Variants in LRRIQ1 observed in about 807,000 individuals in gnomAD.
LRRIQ1 encodes the protein leucine rich repeats and IQ motif containing 1, also known as leucine-rich repeat- and IQ domain-containing protein 1.
In LRRIQ1, 210 loss-of-function variants were observed where a neutral mutation model predicts 211.9. That is an observed-to-expected ratio of 0.99 (90% confidence interval 0.89 to 1.11). The LOEUF (loss-of-function observed/expected upper bound fraction) is 1.11, where lower values mean the gene tolerates loss of function less well. Ranked by LOEUF, LRRIQ1 falls within the 50% of genes most tolerant of loss-of-function variation. LRRIQ1 has a pLI of 0.00. For missense variants in LRRIQ1, 2,136 were observed against 1,939.5 expected (o/e 1.10, Z -1.90); for synonymous variants, 699 against 650.1 (o/e 1.08, Z -1.14).
At position 85,153,643 on chromosome 12, in the gene LRRIQ1, T is replaced by G. The variant is rs1002135511; in HGVS notation, c.4542-20T>G. On this transcript the variant is annotated intron_variant, in intron 21 of 26. Transcript: ENST00000393217. The stretch of plus-strand genomic sequence containing the variant: ...ATACTTGTGTTGATTCAGTTAAAAG[T>G]GGTTTTTTTCTATTGCCAGATCAGA... 19 of 1,491,152 alleles carry G rather than the reference T, an allele frequency of 1.3e-5. No individual in the cohort carries two copies. Among genetic ancestry groups the G allele is most frequent in the Non-Finnish European group, 1.7e-5 (18 of 1,089,110 alleles). 92.4% of individuals were successfully genotyped at this position (1,491,152 alleles called of 1,614,324 possible).
At chr12:85,064,405 T>C (rs551203391) in intron 8 of LRRIQ1, among the ~76,000 whole-genome samples, 1 of 151,896 alleles carries the variant, frequency 6.6e-6, no homozygotes, top group African/African-American at 2.4e-5. Flanking sequence ...GAGCTTCTTA[T>C]ATATTCCGGT....
intron 19 of LRRIQ1, among the ~76,000 whole-genome samples, chr12:85,144,105 C>A (rs941473351): frequency 6.6e-6 from 1 of 151,532 alleles, no homozygotes; most frequent in Non-Finnish European, 1.5e-5. Context: ...CTGTTGTTCC[C>A]TTCTTCGTGT....
chr12:85,272,722 G>C, the LRRIQ1 span, among the ~76,000 whole-genome samples: 1 of 152,024 alleles, frequency 6.6e-6, no homozygotes, highest in Admixed American at 6.6e-5. Context: ...CAAGTGTGAA[G>C]GTAAGAAAGT....
At chr12:85,123,840 C>G (rs752210880) in intron 16 of LRRIQ1, among the ~76,000 whole-genome samples, 12 of 151,998 alleles carry the variant, frequency 7.9e-5, no homozygotes, top group Non-Finnish European at 1.6e-4. Context: ...CTAAAACTTC[C>G]AGACATTTTG....
chr12:85,265,357 A>G (rs1896397837), downstream of LRRIQ1, among the ~76,000 whole-genome samples: 1 of 151,992 alleles, frequency 6.6e-6, no homozygotes, highest in South Asian at 2.1e-4. Flanking sequence ...GTTATAATTA[A>G]TATATTTTAA....
intron 13 of LRRIQ1, among the ~76,000 whole-genome samples, chr12:85,100,788 A>C (rs1462066590): frequency 1.3e-5 from 2 of 151,814 alleles, no homozygotes; most frequent in Admixed American, 1.3e-4. Flanking sequence ...GACATATGGA[A>C]TACTAAAATG....
chr12:85,231,004 TGCCACTGCACTCCAGCCTG>T (rs1894912228), intron 25 of LRRIQ1, among the ~76,000 whole-genome samples: 1 of 151,316 alleles, frequency 6.6e-6, no homozygotes, highest in African/African-American at 2.4e-5. Context: ...GCCGAGATCG[TGCCACTGCACTCCAGCCTG>T]GGCGACAGAG....
At chr12:85,110,602 A>ATATAAGCT (rs1359280665) in intron 15 of LRRIQ1, among the ~76,000 whole-genome samples, 1 of 152,164 alleles carries the variant, frequency 6.6e-6, no homozygotes, top group Non-Finnish European at 1.5e-5. Context: ...TGTAGGCAAC[A>ATATAAGCT]TATAAGCTTT....
At chr12:85,218,330 T>C (rs143897246) in intron 24 of LRRIQ1, among the ~76,000 whole-genome samples, 145 of 152,104 alleles carry the variant, frequency 9.5e-4, no homozygotes, top group African/African-American at 3.2e-3. Flanking sequence ...TTGACCTGAA[T>C]TTAGAGTAAG....
chr12:85,268,935 G>A (rs1896479105), downstream of LRRIQ1, among the ~76,000 whole-genome samples: 1 of 151,964 alleles, frequency 6.6e-6, no homozygotes, highest in South Asian at 2.1e-4. Context: ...TTAAAAAAAT[G>A]TTTTGGAGGT....
At chr12:85,251,657 A>G (rs1895946531) in intron 1 of LRRIQ1, among the ~76,000 whole-genome samples, 2 of 151,888 alleles carry the variant, frequency 1.3e-5, no homozygotes, top group Admixed American at 1.3e-4. Context: ...TTGTTTTCTT[A>G]CATATATGAT....
At chr12:85,076,116 A>G (rs1220799654) in intron 11 of LRRIQ1, among the ~76,000 whole-genome samples, 2 of 152,044 alleles carry the variant, frequency 1.3e-5, no homozygotes, top group Non-Finnish European at 2.9e-5. Flanking sequence ...AATGATTTTG[A>G]CATTTTTTCA....
chr12:85,256,346 C>G (rs2137317715), intron 1 of LRRIQ1, among the ~76,000 whole-genome samples: 1 of 151,626 alleles, frequency 6.6e-6, no homozygotes. Flanking sequence ...TGATCATTTT[C>G]TTTCTTAAAT....
chr12:85,175,129 A>G (rs1239166245), intron 24 of LRRIQ1, among the ~76,000 whole-genome samples: 1 of 152,170 alleles, frequency 6.6e-6, no homozygotes, highest in Non-Finnish European at 1.5e-5. Context: ...AAAGCATGCT[A>G]AGTCTTAATT....
At chr12:85,262,823 G>C (rs1005208385) in intron 1 of LRRIQ1, 2 of 576,698 alleles carry the variant, frequency 3.5e-6, no homozygotes, top group Non-Finnish European at 4.4e-6. Context: ...CTTTTCAACT[G>C]CATGTTTTTG....
chr12:85,218,915 A>T (rs756320662), intron 24 of LRRIQ1, among the ~76,000 whole-genome samples: 14 of 152,228 alleles, frequency 9.2e-5, no homozygotes, highest in Non-Finnish European at 1.8e-4. Flanking sequence ...TAAAACTTTG[A>T]TATTTTGCTT....
intron 11 of LRRIQ1, among the ~76,000 whole-genome samples, chr12:85,096,126 T>A (rs1885859289): frequency 6.6e-6 from 1 of 152,180 alleles, no homozygotes; most frequent in Non-Finnish European, 1.5e-5. Context: ...CAATTTTGTT[T>A]ATTCTTTGTG....
At chr12:85,182,251 T>G (rs1360993361) in intron 24 of LRRIQ1, among the ~76,000 whole-genome samples, 1 of 152,020 alleles carries the variant, frequency 6.6e-6, no homozygotes, top group East Asian at 1.9e-4. Context: ...ATCTCTGAGT[T>G]TGAAATAGTT....
rs767913882 is a variant in LRRIQ1 at position 85,056,431 on chromosome 12, T to C, written c.1638T>C (p.Asn546=). ...KEEKIMKHVI[N]ENTGQKTQII... ...AAAAAATCATGAAACATGTCATAAA[T>C]GAGAATACAGGACAAAAAACCCAGA... The change falls in exon 8 of 27, where the codon AAT becomes AAC. Residue 546 remains asparagine, a synonymous_variant. Coordinates refer to ENST00000393217, the MANE Select transcript of LRRIQ1 (RefSeq NM_001079910.2). 1.3e-6 allele frequency: 2 copies of C among 1,594,990 alleles called. No individual in the cohort carries two copies. Among genetic ancestry groups the C allele is most frequent in the Admixed American group, 3.6e-5 (2 of 55,336 alleles).
Sources: allele counts gnomAD v4.1 joint callset (sites outside exome capture counted in the v4.1 genomes callset), GRCh38; gene constraint gnomAD v4.1.1; transcripts MANE v1.5; gene names NCBI Gene and HGNC (gene_info 2026-07-23, HGNC 2026-07-21).